Variants in COL5A2 observed in about 807,000 individuals in gnomAD.
COL5A2 encodes the protein collagen type V alpha 2 chain.
In COL5A2, 23 loss-of-function variants were observed where a neutral mutation model predicts 208.2. The observed-to-expected ratio is 0.11, with a 90% CI of 0.08 to 0.16. The LOEUF is 0.16. Ranked by LOEUF, COL5A2 falls within the 10% of genes least tolerant of loss-of-function variation. The probability of loss-of-function intolerance (pLI) is 1.00; values close to 1 mark genes in which losing one functional copy is unlikely to be tolerated. For synonymous variants in COL5A2, 625 were observed against 628.5 expected (o/e 0.99, Z 0.08); for missense variants, 1,590 against 1,956.4 (o/e 0.81, Z 3.53).
chr2:189,354,696 TTCTA>T, the COL5A2 span, among the ~76,000 whole-genome samples: 1 of 152,168 alleles, frequency 6.6e-6, no homozygotes, highest in African/African-American at 2.4e-5. Flanking sequence ...CTTGCTGGCA[TTCTA>T]TCTATTTTGT....
the COL5A2 span, among the ~76,000 whole-genome samples, chr2:189,394,151 G>A: frequency 6.6e-6 from 1 of 152,094 alleles, no homozygotes; most frequent in African/African-American, 2.4e-5. Context: ...CCTTCTAGCA[G>A]AAAAGATAAG....
intron 1 of COL5A2, among the ~76,000 whole-genome samples, chr2:189,193,114 C>T (rs1036695968): frequency 1.3e-5 from 2 of 152,202 alleles, no homozygotes; most frequent in Non-Finnish European, 2.9e-5. Context: ...GCCTCAAGAA[C>T]CATGCCAATA....
At chr2:189,423,746 C>T in the COL5A2 span, among the ~76,000 whole-genome samples, 1 of 151,982 alleles carries the variant, frequency 6.6e-6, no homozygotes, top group Non-Finnish European at 1.5e-5. Context: ...AAAGAAAAAC[C>T]CAGGACCTGG....
At chr2:189,316,826 C>A in the COL5A2 span, among the ~76,000 whole-genome samples, 62 of 149,126 alleles carry the variant, frequency 4.2e-4, 1 homozygote, top group Admixed American at 3.7e-3. Flanking sequence ...CTATTTGATA[C>A]CACAACAGGG....
At chr2:189,188,285 G>A (rs1356166) in intron 1 of COL5A2, among the ~76,000 whole-genome samples, 114,542 of 152,010 alleles carry the variant, frequency 0.75, 45,403 homozygotes, top group Non-Finnish European at 0.88. Context: ...CCATTGAACT[G>A]TTTTCCATTT....
the COL5A2 span, among the ~76,000 whole-genome samples, chr2:189,407,648 T>C: frequency 6.6e-6 from 1 of 152,110 alleles, no homozygotes. Flanking sequence ...AAGAGGCTGA[T>C]TCCATCTCCA....
chr2:189,226,971 G>A (rs778097860), upstream of COL5A2, among the ~76,000 whole-genome samples: 4 of 152,126 alleles, frequency 2.6e-5, no homozygotes, highest in Non-Finnish European at 4.4e-5. Context: ...ATCAGAGAAA[G>A]CAAAAGATTA....
upstream of COL5A2, among the ~76,000 whole-genome samples, chr2:189,229,448 A>T (rs1201705339): frequency 6.6e-6 from 1 of 151,528 alleles, no homozygotes; most frequent in Non-Finnish European, 1.5e-5. Context: ...ACACAAAAAA[A>T]AAACCTATTA....
the COL5A2 span, among the ~76,000 whole-genome samples, chr2:189,382,376 A>C: frequency 4.0e-3 from 614 of 152,212 alleles, 7 homozygotes; most frequent in African/African-American, 0.014. Context: ...AAATAAAATA[A>C]AAATTAATTT....
the COL5A2 span, among the ~76,000 whole-genome samples, chr2:189,342,261 A>T: frequency 6.7e-6 from 1 of 150,090 alleles, no homozygotes; most frequent in Non-Finnish European, 1.5e-5. Context: ...AGAACAAATG[A>T]TGAACTGTTA....
In COL5A2 at chr2:189,148,448, A is replaced by G. The variant is rs1218966717; in HGVS notation, c.97+31060T>C. 3.3e-5 allele frequency among the ~76,000 whole-genome samples: 5 copies of G among 152,248 alleles called. No individual in the cohort carries two copies. In the East Asian group the frequency reaches 9.7e-4, roughly 30 times the overall value. Reference sequence around the variant, plus strand: ...CTCTGGATGAATCCATGCAGAAGACACAGGTCTTCTAAGCTGGGAAGATGA... The same window carrying G: ...CTCTGGATGAATCCATGCAGAAGACGCAGGTCTTCTAAGCTGGGAAGATGA... On this transcript the variant is annotated intron_variant, in intron 1 of 53. Coordinates refer to ENST00000374866, the MANE Select transcript of COL5A2 (RefSeq NM_000393.5).
the COL5A2 span, among the ~76,000 whole-genome samples, chr2:189,359,798 G>T: frequency 6.6e-6 from 1 of 151,972 alleles, no homozygotes; most frequent in African/African-American, 2.4e-5. Context: ...AATCTTGGTA[G>T]GTTCTATATG....
chr2:189,313,083 G>A, the COL5A2 span, among the ~76,000 whole-genome samples: 32 of 151,956 alleles, frequency 2.1e-4, no homozygotes, highest in African/African-American at 6.8e-4. Context: ...TATTAATAGC[G>A]TAATAGATCA....
At chr2:189,059,525 T>C (rs2105580795) in intron 31 of COL5A2, among the ~76,000 whole-genome samples, 1 of 150,686 alleles carries the variant, frequency 6.6e-6, no homozygotes, top group African/African-American at 2.4e-5. Flanking sequence ...CACTGTGGCC[T>C]GATCTCCCTA....
At chr2:189,275,676 C>A in the COL5A2 span, among the ~76,000 whole-genome samples, 3 of 152,034 alleles carry the variant, frequency 2.0e-5, no homozygotes, top group Admixed American at 2.0e-4. Flanking sequence ...TGGTCTTGAA[C>A]TCCTGACCTC....
chr2:189,266,583 G>T, the COL5A2 span, among the ~76,000 whole-genome samples: 73 of 152,186 alleles, frequency 4.8e-4, no homozygotes, highest in African/African-American at 1.7e-3. Flanking sequence ...TCTAGATACA[G>T]AAAGTAGATT....
intron 35 of COL5A2, among the ~76,000 whole-genome samples, chr2:189,056,076 C>T (rs73978811): frequency 0.018 from 2,671 of 152,152 alleles, 24 homozygotes; most frequent in Non-Finnish European, 0.02. Flanking sequence ...GACTAATTAC[C>T]CTTAAGATGA....
At chr2:189,232,590 T>G in the COL5A2 span, among the ~76,000 whole-genome samples, 1 of 151,836 alleles carries the variant, frequency 6.6e-6, no homozygotes, top group African/African-American at 2.4e-5. Flanking sequence ...AATATATTAT[T>G]CATTGCTGCT....
the COL5A2 span, among the ~76,000 whole-genome samples, chr2:189,414,848 T>A: frequency 6.6e-6 from 1 of 151,792 alleles, no homozygotes; most frequent in Non-Finnish European, 1.5e-5. Flanking sequence ...CAGCATTAGA[T>A]ATTAACGTCT....
Sources: gnomAD v4.1 joint callset for allele counts (sites outside exome capture counted in the v4.1 genomes callset) on GRCh38, gnomAD v4.1.1 for gene constraint, MANE v1.5 for transcripts, NCBI Gene and HGNC (gene_info 2026-07-23, HGNC 2026-07-21) for gene names.